IRAG2: variants seen among roughly 807,000 people sequenced by gnomAD.
IRAG2 encodes the protein inositol 1,4,5-triphosphate receptor associated 2, also known as lymphoid restricted membrane protein.
In IRAG2, 45 loss-of-function variants were observed where a neutral mutation model predicts 69.9. That is an observed-to-expected ratio of 0.64 (90% CI 0.51 to 0.83). The LOEUF is 0.83. Among genes scored for constraint, IRAG2 ranks in the 40% least tolerant of loss-of-function variants. The probability of loss-of-function intolerance (pLI) is 0.00; values close to 1 mark genes in which losing one functional copy is unlikely to be tolerated. For missense variants in IRAG2, 520 were observed against 587.0 expected, an observed-to-expected ratio of 0.89 and a Z score of 1.18; for synonymous variants, 193 against 202.4, an observed-to-expected ratio of 0.95 and a Z score of 0.40.
chr12:25,038,236 T>C (rs1303063548), intron 16 of IRAG2: 1 of 396,446 alleles, frequency 2.5e-6, no homozygotes, highest in African/African-American at 2.1e-5. Context: ...GTTGTATACA[T>C]TGATTTCAGA....
upstream of IRAG2, chr12:25,052,591 T>A: frequency 2.5e-6 from 1 of 397,306 alleles, no homozygotes; most frequent in Non-Finnish European, 4.4e-6. Context: ...CAACTTGACA[T>A]ATCAGGACTT....
the IRAG2 span, among the ~76,000 whole-genome samples, chr12:24,998,329 C>T: frequency 2.6e-5 from 4 of 152,118 alleles, no homozygotes; most frequent in African/African-American, 9.7e-5. Flanking sequence ...AGAAAGGTTG[C>T]GGATGACAGA....
chr12:25,012,770 G>A (rs926828495), intron 3 of IRAG2, among the ~76,000 whole-genome samples: 2 of 152,178 alleles, frequency 1.3e-5, no homozygotes, highest in Non-Finnish European at 2.9e-5. Flanking sequence ...GGAGGTTGAA[G>A]TGAGCCGAGA....
chr12:25,001,118 G>A (rs1260354348), upstream of IRAG2, among the ~76,000 whole-genome samples: 1 of 152,138 alleles, frequency 6.6e-6, no homozygotes, highest in Non-Finnish European at 1.5e-5. Context: ...ATCTTATGCA[G>A]CTTTGGTAGC....
At chr12:25,094,955 C>T (rs939567693) in intron 14 of IRAG2, among the ~76,000 whole-genome samples, 67 of 152,138 alleles carry the variant, frequency 4.4e-4, no homozygotes, top group Non-Finnish European at 1.6e-4. Context: ...TATATTAGTT[C>T]TAACAGGTTT....
At chr12:25,032,434 T>C (rs571552925) in intron 12 of IRAG2, 6 of 398,824 alleles carry the variant, frequency 1.5e-5, no homozygotes, top group Middle Eastern at 6.3e-4. Context: ...ATTGGCCCAA[T>C]TGAGCTTTGT....
intron 9 of IRAG2, among the ~76,000 whole-genome samples, chr12:25,081,579 C>A (rs147121382): frequency 3.0e-4 from 45 of 152,304 alleles, no homozygotes; most frequent in Non-Finnish European, 5.1e-4. Context: ...GAGAAATGTT[C>A]TAATATCTAT....
At chr12:25,033,091 G>A (rs918994129) in intron 12 of IRAG2, among the ~76,000 whole-genome samples, 2 of 151,916 alleles carry the variant, frequency 1.3e-5, no homozygotes, top group African/African-American at 4.8e-5. Flanking sequence ...CAGTAAGCTG[G>A]GACTACAGGC....
intron 19 of IRAG2, 95 bp downstream of exon 19, chr12:25,104,153 T>C: frequency 9.3e-7 from 1 of 1,076,064 alleles, no homozygotes; most frequent in Non-Finnish European, 1.4e-6. Flanking sequence ...ATAGTAATGT[T>C]TGATTTGTAC....
At chr12:25,022,894 G>T (rs1944592689) in intron 7 of IRAG2, among the ~76,000 whole-genome samples, 1 of 152,240 alleles carries the variant, frequency 6.6e-6, no homozygotes, top group Admixed American at 6.5e-5. Flanking sequence ...GGGAGGCTGA[G>T]GTGGGCAGAT....
chr12:25,001,482 G>A (rs995228437), upstream of IRAG2, among the ~76,000 whole-genome samples: 3 of 151,558 alleles, frequency 2.0e-5, no homozygotes, highest in African/African-American at 7.3e-5. Flanking sequence ...ATGGTTAAAG[G>A]AAAAAAAATG....
rs576837919 is a variant in IRAG2 at position 25,081,737 on chromosome 12, G to A, written c.245-1686G>A. Among the ~76,000 whole-genome samples, 7 of 152,188 alleles carry A rather than the reference G, an allele frequency of 4.6e-5. No homozygotes were observed. In the South Asian group the frequency reaches 6.2e-4, roughly 14 times the overall value. On this transcript the variant is annotated intron_variant, in intron 9 of 21. Transcript: ENST00000556887. ...TGTAATAACAAAATATTAGATTTTG[G>A]CATATCCATGTAATAGAATACTAAT...
rs188235542 is a variant in IRAG2 at position 25,011,562 on chromosome 12, T to C, written c.896+11T>C. 1.0e-4 allele frequency: 125 copies of C among 1,227,050 alleles called. No individual in the cohort carries two copies. The East Asian group carries it at 3.9e-3, about 38-fold the overall frequency. The allele number at this position is 1,227,050 out of a possible 1,614,324, so 76.0% of individuals were successfully genotyped here. On this transcript the variant is annotated intron_variant, in intron 3 of 38. Transcript: ENST00000636465. Reference sequence around the variant, plus strand: ...CTGTGGAAACACATGGTAATCAGAGTCCTAGTGGGATGCAGTTTAAGGTTC... The same window carrying C: ...CTGTGGAAACACATGGTAATCAGAGCCCTAGTGGGATGCAGTTTAAGGTTC...
At chr12:25,102,457 G>A in intron 17 of IRAG2, 1 of 529,364 alleles carries the variant, frequency 1.9e-6, no homozygotes, top group Non-Finnish European at 3.4e-6. Context: ...TACAACAATG[G>A]TTTCTCTCTG....
intron 9 of IRAG2, chr12:25,030,246 C>T: frequency 8.2e-7 from 1 of 1,225,120 alleles, no homozygotes; most frequent in South Asian, 4.1e-5. Context: ...AGCAATGTCC[C>T]AACGGCCTTC....
At chr12:25,101,917 C>G (rs73284778) in intron 16 of IRAG2, 7 of 620,848 alleles carry the variant, frequency 1.1e-5, no homozygotes, top group Non-Finnish European at 2.1e-5. Context: ...CTGAACTGTA[C>G]TTTTGGATTC....
rs1011386185 is a variant in IRAG2, at chr12:25,076,129, T to A, written c.25-3115T>A. Among the ~76,000 whole-genome samples the A allele has an allele frequency of 2.0e-5, 3 of 152,062 alleles. No individual in the cohort carries two copies. In the East Asian group the frequency reaches 5.8e-4, roughly 29 times the overall value. ...TTAGTCTCACAAGAAGAAAAAAAAA[T>A]TGTCATTAGACCAAACTTGTGAAAA... On this transcript the variant is annotated intron_variant, in intron 6 of 21. Transcript: ENST00000556887.
intron 11 of IRAG2, among the ~76,000 whole-genome samples, 157 bp from the exon 12 acceptor site, chr12:25,089,457 T>A (rs1355886662): frequency 2.0e-5 from 3 of 152,250 alleles, no homozygotes; most frequent in Admixed American, 2.0e-4. Context: ...TAGCTTAGCA[T>A]AACATTATAA....
chr12:25,053,819 G>A (rs1945032081), intron 1 of IRAG2, among the ~76,000 whole-genome samples: 1 of 151,026 alleles, frequency 6.6e-6, no homozygotes, highest in Non-Finnish European at 1.5e-5. Flanking sequence ...TAATATATAA[G>A]CTTAAGGTAG....
Sources: gnomAD v4.1 joint callset for allele counts (sites outside exome capture counted in the v4.1 genomes callset) on GRCh38, gnomAD v4.1.1 for gene constraint, MANE v1.5 for transcripts, NCBI Gene and HGNC (gene_info 2026-07-23, HGNC 2026-07-21) for gene names.